The following PDZD8 variants were observed in gnomAD, a reference collection of about 807,000 sequenced individuals.
PDZD8 encodes the protein PDZ domain-containing protein 8.
Under a neutral mutation model 85.8 loss-of-function variants are expected in PDZD8, and 14 were observed. The ratio of observed to expected loss-of-function variants is 0.16; its 90% CI spans 0.11 to 0.26. The LOEUF (loss-of-function observed/expected upper bound fraction) is 0.26. PDZD8 is among the 10% of genes least tolerant of loss of function. The pLI, the probability that PDZD8 is intolerant of heterozygous loss-of-function variation, is 1.00. For missense variants in PDZD8, 1,197 were observed against 1,424.3 expected (o/e 0.84, Z 2.57); for synonymous variants, 592 against 568.6 (o/e 1.04, Z -0.59).
rs529668568 is a variant in PDZD8, at chr10:117,366,476, T to A, written c.872+7880A>T. Among the ~76,000 whole-genome samples, 5 of 152,146 alleles carry A rather than the reference T, an allele frequency of 3.3e-5. No homozygotes were observed. The South Asian group carries it at 8.3e-4, about 25-fold the overall frequency. On this transcript the variant is annotated intron_variant, in intron 1 of 4. Coordinates refer to ENST00000334464, the MANE Select transcript of PDZD8 (RefSeq NM_173791.5). The stretch of plus-strand genomic sequence containing the variant: ...GGGGTGTATTTTTAGGGTTTTTTTT[T>A]AAAGTTTAGAGCAGGGATCAGTGAA...
chr10:117,355,780 C>T (rs1844883026), intron 1 of PDZD8, among the ~76,000 whole-genome samples: 1 of 152,140 alleles, frequency 6.6e-6, no homozygotes, highest in African/African-American at 2.4e-5. Context: ...AAATGCCTGG[C>T]ACTTAGTATA....
Position 117,287,311 on chromosome 10 carries a change from A to C in PDZD8, c.1262-1840T>G, listed in dbSNP as rs1037857649. 2.0e-5 allele frequency among the ~76,000 whole-genome samples: 3 copies of C among 152,124 alleles called. No individual in the cohort carries two copies. The East Asian group carries it at 5.8e-4, about 29-fold the overall frequency. On this transcript the variant is annotated intron_variant, in intron 4 of 4. Transcript: ENST00000334464. ...TCTCCACCTATACCACCTGCACCTT[A>C]TATGCAACTGTTACCAAAGTTTGCC...
At chr10:117,328,755 T>C (rs1274700259) in intron 2 of PDZD8, among the ~76,000 whole-genome samples, 1 of 152,196 alleles carries the variant, frequency 6.6e-6, no homozygotes, top group African/African-American at 2.4e-5. Flanking sequence ...TTTCATTCTA[T>C]TTGCAGAACA....
rs115443741 is a variant in PDZD8, at chr10:117,296,769, A to G, written c.1099-6421T>C. Among the ~76,000 whole-genome samples, 244 of 152,250 alleles carry G rather than the reference A, an allele frequency of 1.6e-3. 5 individuals are homozygous for G. The highest frequency in any genetic ancestry group is 5.5e-3 in the African/African-American group (227 of 41,566). ...GAAAAAAGTGAACCTTGACTCACAC[A>G]CTACATAAAAATTTATGGGAAAAGG... On this transcript the variant is annotated intron_variant, in intron 3 of 4. Transcript: ENST00000334464.
At chr10:117,351,551 G>A (rs952678910) in intron 1 of PDZD8, among the ~76,000 whole-genome samples, 1 of 152,240 alleles carries the variant, frequency 6.6e-6, no homozygotes, top group Admixed American at 6.5e-5. Flanking sequence ...TTGGTTGCTG[G>A]TAACACTCTG....
At chr10:117,326,477 A>C (rs1844317977) in intron 2 of PDZD8, among the ~76,000 whole-genome samples, 1 of 152,208 alleles carries the variant, frequency 6.6e-6, no homozygotes, top group Non-Finnish European at 1.5e-5. Context: ...ACCTCTCTTA[A>C]TGCCTTGCTT....
intron 3 of PDZD8, among the ~76,000 whole-genome samples, chr10:117,305,283 G>T (rs1035775591): frequency 6.6e-6 from 1 of 151,866 alleles, no homozygotes; most frequent in Non-Finnish European, 1.5e-5. Context: ...ATGGTAGTGC[G>T]TGCCAGTAAT....
At chr10:117,288,771 G>A (rs1386479668) in intron 4 of PDZD8, among the ~76,000 whole-genome samples, 1 of 152,162 alleles carries the variant, frequency 6.6e-6, no homozygotes, top group Non-Finnish European at 1.5e-5. Flanking sequence ...GCCTCCCAAA[G>A]TGCTGGGATT....
intron 3 of PDZD8, among the ~76,000 whole-genome samples, chr10:117,318,288 T>C (rs370966537): frequency 6.6e-6 from 1 of 152,236 alleles, no homozygotes; most frequent in Non-Finnish European, 1.5e-5. Flanking sequence ...CTCTGTCATA[T>C]GCCTATTTTC....
At chr10:117,364,107 G>A (rs1384756509) in intron 1 of PDZD8, among the ~76,000 whole-genome samples, 1 of 152,060 alleles carries the variant, frequency 6.6e-6, no homozygotes, top group Non-Finnish European at 1.5e-5. Flanking sequence ...AGGATACTGT[G>A]CCAGTATGGT....
chr10:117,292,707 T>C (rs914066629), intron 3 of PDZD8, among the ~76,000 whole-genome samples: 2 of 151,346 alleles, frequency 1.3e-5, no homozygotes, highest in African/African-American at 4.9e-5. Context: ...TTTCTATCTA[T>C]AAATCATATC....
At chr10:117,355,921 G>A (rs1009130584) in intron 1 of PDZD8, among the ~76,000 whole-genome samples, 7 of 152,124 alleles carry the variant, frequency 4.6e-5, no homozygotes, top group African/African-American at 1.7e-4. Context: ...CCATTAAGGT[G>A]TTGTTATTAC....
chr10:117,349,882 T>C (rs905672395), intron 1 of PDZD8, among the ~76,000 whole-genome samples: 2 of 152,142 alleles, frequency 1.3e-5, no homozygotes, highest in Admixed American at 6.5e-5. Context: ...TATAACTATA[T>C]CAAAAAAGGC....
intron 1 of PDZD8, among the ~76,000 whole-genome samples, chr10:117,373,604 C>CAAAA (rs796930758): frequency 2.7e-4 from 14 of 52,430 alleles, no homozygotes; most frequent in African/African-American, 6.0e-4. Context: ...CTAAAAAATA[C>CAAAA]AAAAAAAAAA....
chr10:117,317,477 C>A (rs1844149301), intron 3 of PDZD8, among the ~76,000 whole-genome samples: 1 of 152,114 alleles, frequency 6.6e-6, no homozygotes, highest in African/African-American at 2.4e-5. Flanking sequence ...TTCCTCAACA[C>A]TACTTATGAC....
chr10:117,285,475 G>C lies in PDZD8; in HGVS notation c.1262-4C>G. The C allele has an allele frequency of 6.4e-7, 1 of 1,555,232 alleles. No individual in the cohort carries two copies. Among genetic ancestry groups the C allele is most frequent in the Non-Finnish European group, 8.7e-7 (1 of 1,149,314 alleles). On this transcript the variant is annotated splice_polypyrimidine_tract_variant and splice_region_variant and intron_variant, in intron 4 of 4. Coordinates refer to ENST00000334464, the MANE Select transcript of PDZD8 (RefSeq NM_173791.5). The stretch of plus-strand genomic sequence containing the variant: ...AGTGTTGATGTGATTTTCACACCTG[G>C]TTTAAGATTTTAAAAGGGAAAACAT...
At chr10:117,316,216 G>T (rs1159971808) in intron 3 of PDZD8, among the ~76,000 whole-genome samples, 1 of 152,088 alleles carries the variant, frequency 6.6e-6, no homozygotes, top group Non-Finnish European at 1.5e-5. Flanking sequence ...CTCTTTTATT[G>T]TATAAATGAG....
At chr10:117,328,807 G>T (rs1017214812) in intron 2 of PDZD8, among the ~76,000 whole-genome samples, 23 of 152,204 alleles carry the variant, frequency 1.5e-4, no homozygotes, top group African/African-American at 5.3e-4. Context: ...AAGCCAATTA[G>T]ATCTATAATT....
chr10:117,342,114 C>T (rs1290689492), intron 1 of PDZD8, among the ~76,000 whole-genome samples: 1 of 152,172 alleles, frequency 6.6e-6, no homozygotes, highest in Admixed American at 6.5e-5. Context: ...AACTATATAA[C>T]ACCTCAGTTA....
Sources: gnomAD v4.1 joint callset for allele counts (sites outside exome capture counted in the v4.1 genomes callset) on GRCh38, gnomAD v4.1.1 for gene constraint, MANE v1.5 for transcripts, NCBI Gene and HGNC (gene_info 2026-07-23, HGNC 2026-07-21) for gene names.